The following ITSN2 variants were observed in gnomAD, a reference collection of about 807,000 sequenced individuals.
ITSN2 encodes intersectin-2.
A neutral mutation model predicts 243.7 loss-of-function variants in ITSN2; 156 were observed. The ratio of observed to expected loss-of-function variants is 0.64; its 90% CI spans 0.56 to 0.73. The LOEUF is 0.73. ITSN2 is among the 30% of genes least tolerant of loss of function. ITSN2 has a pLI of 0.00. For synonymous variants in ITSN2, 703 were observed against 699.9 expected, an observed-to-expected ratio of 1.00 and a Z score of -0.07; for missense variants, 1,801 against 1,996.1, an observed-to-expected ratio of 0.90 and a Z score of 1.86.
At chr2:24,226,570 C>A (rs186064845) in intron 29 of ITSN2, among the ~76,000 whole-genome samples, 47 of 152,270 alleles carry the variant, frequency 3.1e-4, no homozygotes, top group Non-Finnish European at 5.9e-4. Context: ...GTGGGCAGAT[C>A]ACTTGAGGTC....
chr2:24,281,073 G>A (rs1678713359), intron 17 of ITSN2, among the ~76,000 whole-genome samples: 1 of 152,128 alleles, frequency 6.6e-6, no homozygotes, highest in Non-Finnish European at 1.5e-5. Flanking sequence ...TTGTTGCCCT[G>A]GTTGGAGTGC....
At chr2:24,344,192 A>C (rs1687311246) in intron 1 of ITSN2, among the ~76,000 whole-genome samples, 1 of 152,216 alleles carries the variant, frequency 6.6e-6, no homozygotes, top group Admixed American at 6.5e-5. Context: ...GATATACCAG[A>C]AATTAAGCTA....
At chr2:24,250,591 C>A (rs1038090280) in intron 25 of ITSN2, among the ~76,000 whole-genome samples, 1 of 152,052 alleles carries the variant, frequency 6.6e-6, no homozygotes, top group Admixed American at 6.5e-5. Flanking sequence ...ACATCATGCA[C>A]GGGTAAAAGA....
At chr2:24,203,826 T>C (rs747938495) in intron 39 of ITSN2, 43 bp from the exon 40 acceptor site, 1 of 1,555,786 alleles carries the variant, frequency 6.4e-7, no homozygotes, top group Non-Finnish European at 8.8e-7. Context: ...TTCTTCTTTA[T>C]AAAATCATTA....
At chr2:24,337,173 T>C (rs1239633443) in intron 1 of ITSN2, among the ~76,000 whole-genome samples, 1 of 150,102 alleles carries the variant, frequency 6.7e-6, no homozygotes, top group Non-Finnish European at 1.5e-5. Flanking sequence ...TACTTCATGA[T>C]TCAATATTTT....
intron 15 of ITSN2, among the ~76,000 whole-genome samples, chr2:24,288,099 C>T (rs898520273): frequency 7.2e-5 from 11 of 152,078 alleles, no homozygotes; most frequent in Non-Finnish European, 1.5e-4. Flanking sequence ...CAAAAAATCA[C>T]TGCCAAGGCC....
chr2:24,314,209 C>T (rs1683634768), intron 3 of ITSN2, among the ~76,000 whole-genome samples: 2 of 152,152 alleles, frequency 1.3e-5, no homozygotes, highest in African/African-American at 2.4e-5. Context: ...GCTCATTTTG[C>T]TAGTTATGCT....
At chr2:24,353,776 C>T (rs1430929307) in intron 1 of ITSN2, among the ~76,000 whole-genome samples, 1 of 152,108 alleles carries the variant, frequency 6.6e-6, no homozygotes, top group African/African-American at 2.4e-5. Flanking sequence ...TTCTGGGAAT[C>T]TGTCATAAGG....
chr2:24,210,660 A>C, intron 34 of ITSN2, 120 bp downstream of exon 34: 5 of 668,630 alleles, frequency 7.5e-6, no homozygotes, highest in Non-Finnish European at 9.4e-6. Context: ...TTGCAGGGGC[A>C]GGGTGGTGAG....
rs1490195352 is a variant in ITSN2 at position 24,210,020 on chromosome 2, T to G, written c.4271A>C (p.Asn1424Thr). ...CEGLAEQLIF[N>T]SLTNCLGPRK... ...GGGCCCCAGGCAGTTGGTGAGAGAG[T>G]TGAAAATAAGTTGCTTAAAGAGAAA... The change falls in exon 35 of 40, where the codon AAC (asparagine) becomes ACC (threonine). Residue 1424 changes from asparagine (N) to threonine (T), a missense_variant. Coordinates refer to ENST00000355123, the MANE Select transcript of ITSN2 (RefSeq NM_006277.3). The G allele has an allele frequency of 4.3e-6, 7 of 1,612,870 alleles. No individual in the cohort carries two copies. Among genetic ancestry groups the G allele is most frequent in the Middle Eastern group, 1.6e-4 (1 of 6,074 alleles).
chr2:24,284,882 T>C (rs1679266051), intron 16 of ITSN2, 39 bp from the exon 17 acceptor site: 1 of 853,950 alleles, frequency 1.2e-6, no homozygotes. Context: ...TTAAACTACG[T>C]ACAGAATTTT....
In ITSN2 at chr2:24,211,486, G is replaced by A. The variant is rs539848376; in HGVS notation, c.4090-539C>T. ...TGTTCATTCTGAAGCGATTTCAAAC[G>A]ACGCATGCTGCAACTGTGAACGCGC... On this transcript the variant is annotated intron_variant, in intron 33 of 39. Coordinates refer to ENST00000355123, the MANE Select transcript of ITSN2 (RefSeq NM_006277.3). This position sits in a 1 kb window ranked among gnomAD's most constrained non-coding sequence, Gnocchi z 4.1. Among the ~76,000 whole-genome samples, 6 of 152,262 alleles carry A rather than the reference G, an allele frequency of 3.9e-5. No homozygotes were observed. The highest frequency in any genetic ancestry group is 1.9e-4 in the East Asian group (1 of 5,180).
chr2:24,350,534 A>G (rs1357869118), intron 1 of ITSN2, among the ~76,000 whole-genome samples: 1 of 152,256 alleles, frequency 6.6e-6, no homozygotes, highest in African/African-American at 2.4e-5. Flanking sequence ...TCACAGCAGC[A>G]TTATTCACAA....
At chr2:24,306,536 C>T (rs1166034052) in intron 8 of ITSN2, among the ~76,000 whole-genome samples, 1 of 152,168 alleles carries the variant, frequency 6.6e-6, no homozygotes, top group Non-Finnish European at 1.5e-5. Flanking sequence ...ATCAGCAGTT[C>T]ATTTGGTTTT....
intron 15 of ITSN2, among the ~76,000 whole-genome samples, chr2:24,291,582 C>T (rs938864272): frequency 2.6e-5 from 4 of 151,382 alleles, no homozygotes; most frequent in African/African-American, 4.9e-5. Flanking sequence ...CTCTGCCTCC[C>T]AGGTTCAAGT....
chr2:24,334,012 C>T (rs761302789), intron 1 of ITSN2, among the ~76,000 whole-genome samples: 12 of 152,096 alleles, frequency 7.9e-5, no homozygotes, highest in Non-Finnish European at 1.3e-4. Context: ...GCCTCAGCCT[C>T]TTAAGTAGCG....
intron 18 of ITSN2, among the ~76,000 whole-genome samples, chr2:24,275,354 C>G (rs921306598): frequency 6.6e-6 from 1 of 152,188 alleles, no homozygotes; most frequent in Non-Finnish European, 1.5e-5. Context: ...ACGCCCAGTT[C>G]CAGCTGTATT....
At chr2:24,338,477 G>A (rs1482155633) in intron 1 of ITSN2, among the ~76,000 whole-genome samples, 1 of 152,148 alleles carries the variant, frequency 6.6e-6, no homozygotes, top group Non-Finnish European at 1.5e-5. Flanking sequence ...TGTGTCATGG[G>A]CCATGGTCAC....
At chr2:24,325,452 T>A (rs762412374) in intron 2 of ITSN2, among the ~76,000 whole-genome samples, 24 of 152,088 alleles carry the variant, frequency 1.6e-4, no homozygotes, top group Admixed American at 3.9e-4. Flanking sequence ...GCAATACGTG[T>A]AATTCAAAGC....
Sources: gnomAD v4.1 joint callset for allele counts (sites outside exome capture counted in the v4.1 genomes callset) on GRCh38, gnomAD v4.1.1 for gene constraint, Gnocchi (gnomAD v3.1) non-coding constraint, MANE v1.5 for transcripts, NCBI Gene and HGNC (gene_info 2026-07-23, HGNC 2026-07-21) for gene names.